Variants in ZNF277 observed in about 807,000 individuals in gnomAD.
ZNF277 encodes the protein zinc finger protein 277, also known as nuclear receptor-interacting factor 4.
In ZNF277, 55 loss-of-function variants were observed where a neutral mutation model predicts 60.7. That is an observed-to-expected ratio of 0.91 (90% CI 0.73 to 1.13). The LOEUF is 1.13. Ranked by LOEUF, ZNF277 falls within the 50% of genes most tolerant of loss-of-function variation. ZNF277 has a pLI of 0.00. For synonymous variants in ZNF277, 178 were observed against 179.3 expected (o/e 0.99, Z 0.06); for missense variants, 510 against 523.0 (o/e 0.98, Z 0.24).
intron 2 of ZNF277, among the ~76,000 whole-genome samples, chr7:112,295,582 A>G (rs1792304863): frequency 6.6e-6 from 1 of 152,164 alleles, no homozygotes; most frequent in South Asian, 2.1e-4. Context: ...TCACATAAAA[A>G]TAATTCATTT....
At chr7:112,250,222 A>T (rs1791173853) in intron 1 of ZNF277, among the ~76,000 whole-genome samples, 1 of 152,160 alleles carries the variant, frequency 6.6e-6, no homozygotes, top group Non-Finnish European at 1.5e-5. Context: ...AGTCTCCCAT[A>T]GCGCTCCCAG....
chr7:112,307,662 G>A (rs1456003940), intron 4 of ZNF277, among the ~76,000 whole-genome samples: 5 of 151,722 alleles, frequency 3.3e-5, no homozygotes, highest in Non-Finnish European at 7.4e-5. Context: ...TGATCCACCC[G>A]CCTCAACCTC....
At chr7:112,261,220 G>A (rs1301660152) in intron 1 of ZNF277, among the ~76,000 whole-genome samples, 1 of 152,184 alleles carries the variant, frequency 6.6e-6, no homozygotes, top group East Asian at 1.9e-4. Context: ...GTTATCTGGT[G>A]TCATCAGCTT....
chr7:112,283,206 A>G lies in ZNF277; in HGVS notation c.92-3667A>G, dbSNP rs189899118. 5.7e-4 allele frequency among the ~76,000 whole-genome samples: 87 copies of G among 152,282 alleles called. 1 individual carries two copies. In the East Asian group the frequency reaches 0.015, roughly 27 times the overall value. On this transcript the variant is annotated intron_variant, in intron 1 of 11. Transcript: ENST00000361822. ...TTTGGGAATCAGAGAAAACTTTAAA[A>G]TCTTCTTATCTAAAAATGTTATATT... is the stretch of plus-strand genomic sequence containing the variant.
At chr7:112,269,412 C>G (rs761287559) in intron 1 of ZNF277, among the ~76,000 whole-genome samples, 1 of 151,796 alleles carries the variant, frequency 6.6e-6, no homozygotes, top group Non-Finnish European at 1.5e-5. Flanking sequence ...ATAAATTATT[C>G]TAGGACAATT....
chr7:112,337,876 G>A, intron 9 of ZNF277, 50 bp downstream of exon 9: 1 of 1,484,722 alleles, frequency 6.7e-7, no homozygotes, highest in Non-Finnish European at 9.2e-7. Flanking sequence ...ACAGGGGAAA[G>A]CTAGTAATTG....
chr7:112,290,983 G>C (rs1242484432), intron 2 of ZNF277, among the ~76,000 whole-genome samples: 3 of 152,146 alleles, frequency 2.0e-5, no homozygotes, highest in East Asian at 3.9e-4. Flanking sequence ...TAATAAATAA[G>C]AGATGGACTT....
chr7:112,266,150 CTT>C (rs879549010), intron 1 of ZNF277, among the ~76,000 whole-genome samples: 1 of 147,096 alleles, frequency 6.8e-6, no homozygotes. Context: ...CTTTTTAATT[CTT>C]TTTTTTTTTG....
intron 1 of ZNF277, among the ~76,000 whole-genome samples, chr7:112,209,031 C>A (rs1821666044): frequency 1.3e-5 from 2 of 152,098 alleles, no homozygotes; most frequent in Admixed American, 1.3e-4. Flanking sequence ...ACTGAAAGAT[C>A]TGCAACCTTC....
intron 7 of ZNF277, among the ~76,000 whole-genome samples, chr7:112,334,093 G>T (rs1793280868): frequency 6.6e-6 from 1 of 152,114 alleles, no homozygotes; most frequent in South Asian, 2.1e-4. Flanking sequence ...ATTTTTCATA[G>T]TTTTTTATAG....
rs372539319 is a variant in ZNF277, at chr7:112,229,762, C to T, written c.91+22955C>T. On this transcript the variant is annotated intron_variant, in intron 1 of 11. Coordinates refer to ENST00000361822, the MANE Select transcript of ZNF277 (RefSeq NM_021994.3). ...GTAGAGGAAAGTAACACAGAAGTGC[C>T]GTGAAAGAGTCAACACTGAAGCAGC... 8.5e-5 allele frequency among the ~76,000 whole-genome samples: 13 copies of T among 152,292 alleles called. No individual in the cohort carries two copies. The East Asian group carries it at 1.4e-3, about 16-fold the overall frequency.
At chr7:112,339,806 A>G in intron 9 of ZNF277, 37 bp from the exon 10 acceptor site, 1 of 1,588,886 alleles carries the variant, frequency 6.3e-7, no homozygotes, top group Non-Finnish European at 8.6e-7. Flanking sequence ...AGATTAAATA[A>G]TTCATATGCT....
At chr7:112,266,976 G>A (rs888404080) in intron 1 of ZNF277, among the ~76,000 whole-genome samples, 1 of 152,046 alleles carries the variant, frequency 6.6e-6, no homozygotes, top group African/African-American at 2.4e-5. Flanking sequence ...TAAACTTTCT[G>A]TTCTTTATTC....
chr7:112,249,497 A>G (rs1791155193), intron 1 of ZNF277, among the ~76,000 whole-genome samples: 2 of 152,054 alleles, frequency 1.3e-5, no homozygotes, highest in Non-Finnish European at 2.9e-5. Context: ...TAGCTTTGCA[A>G]ACTTAGTTGA....
intron 5 of ZNF277, among the ~76,000 whole-genome samples, chr7:112,322,375 A>C (rs1793003871): frequency 6.6e-6 from 1 of 151,678 alleles, no homozygotes; most frequent in African/African-American, 2.4e-5. Context: ...TTTTCTTCTA[A>C]GACTGGAAAA....
intron 1 of ZNF277, among the ~76,000 whole-genome samples, chr7:112,266,206 C>T (rs1025453814): frequency 4.0e-5 from 6 of 151,708 alleles, no homozygotes; most frequent in African/African-American, 9.7e-5. Flanking sequence ...AGTGTAGTGG[C>T]GCTATCTGGG....
intron 6 of ZNF277, among the ~76,000 whole-genome samples, chr7:112,328,978 A>G (rs1412156323): frequency 6.6e-6 from 1 of 152,172 alleles, no homozygotes; most frequent in Non-Finnish European, 1.5e-5. Context: ...GAGTCCCTTC[A>G]CCCTTTTGTT....
intron 4 of ZNF277, among the ~76,000 whole-genome samples, chr7:112,297,736 G>A (rs189836640): frequency 2.0e-5 from 3 of 152,264 alleles, no homozygotes; most frequent in Non-Finnish European, 2.9e-5. Context: ...TTATTTGCGT[G>A]CACTTATTCA....
In ZNF277 at chr7:112,208,056, T is replaced by C. The variant is rs563820972; in HGVS notation, c.91+1249T>C. Among the ~76,000 whole-genome samples the C allele has an allele frequency of 1.4e-4, 21 of 152,338 alleles. No homozygotes were observed. In the South Asian group the frequency reaches 4.3e-3, roughly 32 times the overall value. ...AGGGCTACCAGTTTAAGATCTAAACTGGTGAATTTATCTCACAGTCTAACT... is the reference window on the plus strand; with the variant it reads ...AGGGCTACCAGTTTAAGATCTAAACCGGTGAATTTATCTCACAGTCTAACT... On this transcript the variant is annotated intron_variant, in intron 1 of 11. Transcript: ENST00000361822.
Sources: gnomAD v4.1 joint callset for allele counts (sites outside exome capture counted in the v4.1 genomes callset) on GRCh38, gnomAD v4.1.1 for gene constraint, MANE v1.5 for transcripts, NCBI Gene and HGNC (gene_info 2026-07-23, HGNC 2026-07-21) for gene names.